The following CDK8 variants were observed in gnomAD, a reference collection of about 807,000 sequenced individuals.
CDK8 encodes cyclin-dependent kinase 8.
CDK8 carries 29 observed loss-of-function variants against 71.5 expected under a neutral mutation model. The observed-to-expected ratio is 0.41, with a 90% CI of 0.30 to 0.55. The LOEUF (loss-of-function observed/expected upper bound fraction) is 0.55. CDK8 is among the 20% of genes least tolerant of loss of function. CDK8 has a pLI of 0.37. For missense variants in CDK8, 288 were observed against 572.6 expected (o/e 0.50, Z 5.07); for synonymous variants, 161 against 192.1 (o/e 0.84, Z 1.34).
chr13:26,402,234 G>T (rs541488734), intron 12 of CDK8, among the ~76,000 whole-genome samples: 112 of 152,300 alleles, frequency 7.4e-4, no homozygotes, highest in Non-Finnish European at 7.1e-4. Context: ...CTTTCACATG[G>T]ATCCCCAGCA....
chr13:26,398,740 G>A (rs1261468385), intron 9 of CDK8, among the ~76,000 whole-genome samples: 1 of 152,052 alleles, frequency 6.6e-6, no homozygotes, highest in African/African-American at 2.4e-5. Context: ...TTGGGAGGCC[G>A]AGGCGGGCGG....
At chr13:26,373,764 T>A (rs1874801272) in intron 4 of CDK8, among the ~76,000 whole-genome samples, 1 of 152,040 alleles carries the variant, frequency 6.6e-6, no homozygotes, top group Non-Finnish European at 1.5e-5. Context: ...GTAGTTAAAT[T>A]TGAGTAGCTA....
In CDK8 at chr13:26,385,256, T is replaced by G; in HGVS notation, c.560T>G (p.Leu187Ter). ...ARLFNSPLKP[L>*]ADLDPVVVTF... ...TTATTTAATTCACCTTTGAAGCCTT[T>G]AGCAGATTTGGATCCAGTGGTTGTT... Residue 187 changes from leucine to a stop codon, truncating the protein, a stop_gained, in exon 6 of 13, where the codon TTA becomes TGA. Coordinates refer to ENST00000381527, the MANE Select transcript of CDK8 (RefSeq NM_001260.3). LOFTEE classifies it high-confidence loss of function. 6.2e-7 allele frequency: 1 copy of G among 1,613,336 alleles called. No individual in the cohort carries two copies. Among genetic ancestry groups the G allele is most frequent in the Non-Finnish European group, 8.5e-7 (1 of 1,179,286 alleles).
intron 4 of CDK8, among the ~76,000 whole-genome samples, chr13:26,381,276 A>G (rs1875213521): frequency 6.6e-6 from 1 of 152,148 alleles, no homozygotes; most frequent in African/African-American, 2.4e-5. Context: ...TGCCTTCAGC[A>G]TTTTGCACTA....
chr13:26,267,412 T>C (rs1297626642), intron 1 of CDK8, among the ~76,000 whole-genome samples: 2 of 152,226 alleles, frequency 1.3e-5, no homozygotes, highest in African/African-American at 4.8e-5. Context: ...CAGGAAAATC[T>C]AAGTCCCCCT....
chr13:26,384,211 C>T (rs1875363419), intron 5 of CDK8, among the ~76,000 whole-genome samples: 1 of 150,792 alleles, frequency 6.6e-6, no homozygotes, highest in Admixed American at 6.6e-5. Flanking sequence ...ATTTAGTAAT[C>T]TTATTCATAG....
intron 1 of CDK8, among the ~76,000 whole-genome samples, chr13:26,312,907 A>G (rs182852201): frequency 2.0e-5 from 3 of 152,274 alleles, no homozygotes; most frequent in Admixed American, 2.0e-4. Context: ...GATGTCACTC[A>G]TGTACAGTGG....
intron 6 of CDK8, among the ~76,000 whole-genome samples, chr13:26,392,318 A>G (rs944647367): frequency 2.0e-4 from 29 of 143,020 alleles, no homozygotes; most frequent in African/African-American, 6.4e-4. Flanking sequence ...ATTTGAATTT[A>G]TAACCCTTTT....
intron 2 of CDK8, among the ~76,000 whole-genome samples, chr13:26,347,112 G>A (rs1873491478): frequency 6.6e-6 from 1 of 151,990 alleles, no homozygotes; most frequent in Non-Finnish European, 1.5e-5. Flanking sequence ...GCAGGGTTAG[G>A]GGTGCTTTTT....
intron 12 of CDK8, among the ~76,000 whole-genome samples, chr13:26,402,083 A>C (rs1406878935): frequency 6.6e-6 from 1 of 152,244 alleles, no homozygotes; most frequent in African/African-American, 2.4e-5. Flanking sequence ...TCCTTGAGTA[A>C]GTGATTCAGA....
At chr13:26,259,231 G>T (rs9581600) in intron 1 of CDK8, among the ~76,000 whole-genome samples, 16,459 of 152,152 alleles carry the variant, frequency 0.11, 2,642 homozygotes, top group African/African-American at 0.35. Context: ...GAAGAGGACA[G>T]TTAGTCCCCT....
chr13:26,367,760 AT>A (rs1340170399), intron 4 of CDK8, among the ~76,000 whole-genome samples: 1 of 152,146 alleles, frequency 6.6e-6, no homozygotes, highest in Non-Finnish European at 1.5e-5. Flanking sequence ...GAATAAGTAG[AT>A]TTTTTTGTTA....
At chr13:26,284,917 T>C (rs1253022986) in intron 1 of CDK8, among the ~76,000 whole-genome samples, 2 of 145,548 alleles carry the variant, frequency 1.4e-5, no homozygotes, top group Admixed American at 1.4e-4. Flanking sequence ...CCAATATCCC[T>C]GATGAACATA....
chr13:26,370,742 G>A (rs954184129), intron 4 of CDK8, among the ~76,000 whole-genome samples: 7 of 152,114 alleles, frequency 4.6e-5, no homozygotes, highest in African/African-American at 1.7e-4. Context: ...TCACTGTTGA[G>A]TAACCAGAAA....
At chr13:26,288,860 TC>T (rs1396430135) in intron 1 of CDK8, among the ~76,000 whole-genome samples, 1 of 149,978 alleles carries the variant, frequency 6.7e-6, no homozygotes, top group Non-Finnish European at 1.5e-5. Flanking sequence ...CCTGGGTTCA[TC>T]TGATTCTCCT....
At chr13:26,381,754 C>CTT (rs796452564) in intron 4 of CDK8, among the ~76,000 whole-genome samples, 2 of 144,004 alleles carry the variant, frequency 1.4e-5, no homozygotes, top group African/African-American at 5.1e-5. Flanking sequence ...TCAGCAATAC[C>CTT]TTTTTTTTTT....
chr13:26,348,338 G>T (rs1225373583), intron 2 of CDK8, among the ~76,000 whole-genome samples: 2 of 152,082 alleles, frequency 1.3e-5, no homozygotes, highest in African/African-American at 2.4e-5. Context: ...TTAGGAATTG[G>T]GCCGTACAGC....
chr13:26,305,762 T>C (rs1193913966), intron 1 of CDK8, among the ~76,000 whole-genome samples: 1 of 152,214 alleles, frequency 6.6e-6, no homozygotes, highest in Non-Finnish European at 1.5e-5. Context: ...TAAATACAGT[T>C]GCTATATTTT....
At chr13:26,361,719 G>T (rs1372475434) in intron 4 of CDK8, among the ~76,000 whole-genome samples, 1 of 144,650 alleles carries the variant, frequency 6.9e-6, no homozygotes, top group African/African-American at 2.5e-5. Context: ...CTAGCTTATA[G>T]TTGCTCATTT....
Sources: gnomAD v4.1 joint callset for allele counts (sites outside exome capture counted in the v4.1 genomes callset) on GRCh38, gnomAD v4.1.1 for gene constraint, MANE v1.5 for transcripts, NCBI Gene and HGNC (gene_info 2026-07-23, HGNC 2026-07-21) for gene names.